PABIR3: variants seen among roughly 807,000 people sequenced by gnomAD.
PABIR3 encodes PABIR family member 1.
A neutral mutation model predicts 23.1 loss-of-function variants in PABIR3; 20 were observed. The ratio of observed to expected loss-of-function variants is 0.86; its 90% CI spans 0.61 to 1.26. The LOEUF (loss-of-function observed/expected upper bound fraction) is 1.26, where lower values mean the gene tolerates loss of function less well. Among genes scored for constraint, PABIR3 ranks in the 50% most tolerant of loss-of-function variants. The pLI, the probability that PABIR3 is intolerant of heterozygous loss-of-function variation, is 0.00. For missense variants in PABIR3, 189 were observed against 195.4 expected (o/e 0.97, Z 0.20); for synonymous variants, 69 against 68.5 (o/e 1.01, Z -0.04).
At chrX:134,812,394 C>T (rs911914517) in intron 2 of PABIR3, among the ~76,000 whole-genome samples, 1 of 111,973 alleles carries the variant, frequency 8.9e-6, no homozygotes, top group African/African-American at 3.2e-5. Flanking sequence ...GAACATATTC[C>T]TATTCTCACA....
the PABIR3 span, among the ~76,000 whole-genome samples, chrX:134,861,807 TGG>T: frequency 9.0e-6 from 1 of 111,620 alleles, no homozygotes; most frequent in Non-Finnish European, 1.9e-5. Context: ...GGGAAGTCCA[TGG>T]TCAAGTAAGT....
chrX:134,840,218 C>T (rs1362539400), intron 4 of PABIR3, among the ~76,000 whole-genome samples: 1 of 111,225 alleles, frequency 9.0e-6, no homozygotes, highest in South Asian at 3.8e-4. Context: ...GACACAAACA[C>T]TGCGGAAGGC....
intron 1 of PABIR3, among the ~76,000 whole-genome samples, chrX:134,801,908 T>C (rs2080074150): frequency 9.3e-6 from 1 of 107,747 alleles, no homozygotes; most frequent in Non-Finnish European, 1.9e-5. Flanking sequence ...GGGATGCAAC[T>C]CATAGGTGAG....
intron 4 of PABIR3, chrX:134,831,697 G>A (rs1037028160): frequency 9.0e-6 from 1 of 111,340 alleles, no homozygotes; most frequent in African/African-American, 3.3e-5. Context: ...TCACATCAGG[G>A]TAAATGGAGT....
At chrX:134,802,311 C>T (rs1231479682), upstream of PABIR3, among the ~76,000 whole-genome samples, 2 of 111,414 alleles carry the variant, frequency 1.8e-5, no homozygotes, top group African/African-American at 6.5e-5. Flanking sequence ...TCTTGAACTC[C>T]TGACCTCAGG....
the PABIR3 span, among the ~76,000 whole-genome samples, chrX:134,863,029 AT>A: frequency 9.0e-6 from 1 of 111,690 alleles, no homozygotes; most frequent in Non-Finnish European, 1.9e-5. Flanking sequence ...ATACTATCCC[AT>A]TGGCTTCTGG....
chrX:134,797,836 CAG>C (rs2079943392), intron 1 of PABIR3, among the ~76,000 whole-genome samples: 2 of 87,438 alleles, frequency 2.3e-5, no homozygotes, highest in South Asian at 6.5e-4. Flanking sequence ...TTTTTTTAAA[CAG>C]AGTCTCGCTC....
At chrX:134,864,093 C>T in the PABIR3 span, among the ~76,000 whole-genome samples, 1 of 110,415 alleles carries the variant, frequency 9.1e-6, no homozygotes, top group African/African-American at 3.3e-5. Context: ...CTTTGTTGCC[C>T]AGGCTCGAGT....
intron 3 of PABIR3, chrX:134,821,377 A>C: frequency 8.7e-7 from 1 of 1,154,278 alleles, no homozygotes; most frequent in Non-Finnish European, 1.1e-6. Flanking sequence ...ACCTCTTCTG[A>C]CCTTGAGACT....
At chrX:134,822,491 T>A (rs1487995313) in intron 3 of PABIR3, 1 of 751,650 alleles carries the variant, frequency 1.3e-6, no homozygotes, top group Non-Finnish European at 1.6e-6. Flanking sequence ...ACCTCAGACA[T>A]TTCACACTAT....
chrX:134,819,365 G>T (rs1316556828), intron 3 of PABIR3, among the ~76,000 whole-genome samples: 1 of 111,768 alleles, frequency 8.9e-6, no homozygotes, highest in Non-Finnish European at 1.9e-5. Flanking sequence ...TGGCAGAATT[G>T]AAGTCATTTT....
intron 1 of PABIR3, among the ~76,000 whole-genome samples, chrX:134,802,067 G>A (rs1319095949): frequency 2.9e-5 from 3 of 102,951 alleles, no homozygotes; most frequent in Non-Finnish European, 5.9e-5. Context: ...CACATCTGCT[G>A]AGGGATTCCA....
At chrX:134,804,295 T>G, upstream of PABIR3, 1 of 1,000,348 alleles carries the variant, frequency 1.0e-6, no homozygotes, top group South Asian at 2.1e-5. Flanking sequence ...AAAAACAATT[T>G]CTTTAATGTT....
At chrX:134,840,366 A>G (rs1050294680) in intron 4 of PABIR3, among the ~76,000 whole-genome samples, 2 of 111,058 alleles carry the variant, frequency 1.8e-5, no homozygotes, top group Non-Finnish European at 3.8e-5. Context: ...AAAAAAAAAA[A>G]CAAAAAACAA....
intron 9 of PABIR3, 138 bp from the exon 10 acceptor site, chrX:134,852,662 T>C (rs2082677336): frequency 2.7e-6 from 1 of 365,068 alleles, no homozygotes; most frequent in South Asian, 7.8e-5. Context: ...GTCTGGATAA[T>C]GATTACTTAA....
At chrX:134,809,836 G>A (rs2080533039) in intron 2 of PABIR3, 2 of 754,109 alleles carry the variant, frequency 2.7e-6, no homozygotes, top group African/African-American at 4.6e-5. Context: ...CTAAATGAAT[G>A]CAGCTTTTGG....
chrX:134,847,410 T>C lies in PABIR3; in HGVS notation c.373T>C (p.Ser125Pro). 1 of 1,208,041 alleles carries C rather than the reference T, an allele frequency of 8.3e-7. No homozygotes were observed. Among genetic ancestry groups the C allele is most frequent in the South Asian group, 1.8e-5 (1 of 56,821 alleles). The change falls in exon 7 of 11, where the codon TCT becomes CCT. Residue 125 changes from serine to proline, a missense_variant. Transcript: ENST00000645433. The part of the protein sequence containing the change: ...LNDNGLQKSS[S>P]LKCIDLTPVS... ...TGACAATGGCTTACAGAAATCATCC[T>C]CTCTAAAGTGCATTGATTTAACTCC... is the stretch of plus-strand genomic sequence containing the variant.
chrX:134,816,942 A>G (rs1460581517), intron 3 of PABIR3, among the ~76,000 whole-genome samples: 1 of 111,553 alleles, frequency 9.0e-6, no homozygotes, highest in Non-Finnish European at 1.9e-5. Flanking sequence ...TGGGAGGCCA[A>G]GGCGGGAGGA....
chrX:134,817,253 A>C (rs1189516606), intron 3 of PABIR3, among the ~76,000 whole-genome samples: 1 of 111,668 alleles, frequency 9.0e-6, no homozygotes, highest in Admixed American at 9.7e-5. Flanking sequence ...TCATAGAATG[A>C]TATTCAATAT....
Sources: allele counts gnomAD v4.1 joint callset (sites outside exome capture counted in the v4.1 genomes callset), GRCh38; gene constraint gnomAD v4.1.1; transcripts MANE v1.5; gene names NCBI Gene and HGNC (gene_info 2026-07-23, HGNC 2026-07-21).